The following SSH2 variants were observed in gnomAD, a reference collection of about 807,000 sequenced individuals.
SSH2 encodes the protein slingshot protein phosphatase 2.
SSH2 carries 37 observed loss-of-function variants against 135.2 expected under a neutral mutation model. The observed-to-expected ratio is 0.27, with a 90% CI of 0.21 to 0.36. SSH2 has a LOEUF of 0.36. SSH2 is among the 10% of genes least tolerant of loss of function. SSH2 has a pLI of 1.00. For synonymous variants in SSH2, 628 were observed against 646.2 expected (o/e 0.97, Z 0.43); for missense variants, 1,408 against 1,765.3 (o/e 0.80, Z 3.63).
chr17:29,654,218 C>T (rs1012141486), intron 12 of SSH2, among the ~76,000 whole-genome samples: 16 of 152,202 alleles, frequency 1.1e-4, no homozygotes, highest in African/African-American at 3.9e-4. Flanking sequence ...TTATACAGCT[C>T]TGAGCTAGGT....
intron 6 of SSH2, 62 bp from the exon 7 acceptor site, chr17:29,677,803 TACTA>T (rs1598778941): frequency 2.3e-6 from 3 of 1,314,680 alleles, no homozygotes; most frequent in Non-Finnish European, 3.3e-6. Context: ...GTCTTCTGTT[TACTA>T]ACTCTTTCAA....
intron 4 of SSH2, among the ~76,000 whole-genome samples, chr17:29,698,579 G>A (rs910833449): frequency 2.0e-5 from 3 of 151,774 alleles, no homozygotes; most frequent in Non-Finnish European, 4.4e-5. Flanking sequence ...GTGACCTCCT[G>A]GGCTCAAGCA....
intron 6 of SSH2, among the ~76,000 whole-genome samples, chr17:29,681,681 A>T (rs182479576): frequency 2.4e-4 from 37 of 152,314 alleles, no homozygotes; most frequent in Admixed American, 1.0e-3. Context: ...ATATAACATA[A>T]TACTCAAAGA....
chr17:29,641,280 C>T (rs1240451043), intron 14 of SSH2, among the ~76,000 whole-genome samples: 2 of 152,188 alleles, frequency 1.3e-5, no homozygotes, highest in Non-Finnish European at 2.9e-5. Context: ...ACAGTTTATT[C>T]TAACACTTCA....
At chr17:29,670,054 C>A (rs934422676) in intron 9 of SSH2, among the ~76,000 whole-genome samples, 1 of 151,646 alleles carries the variant, frequency 6.6e-6, no homozygotes, top group Admixed American at 6.6e-5. Context: ...GCTAATTTTT[C>A]TATTTTTAGT....
intron 3 of SSH2, among the ~76,000 whole-genome samples, chr17:29,760,384 ATTGAT>A (rs1446352659): frequency 2.0e-5 from 3 of 152,208 alleles, no homozygotes; most frequent in African/African-American, 7.2e-5. Context: ...AAACCACTGC[ATTGAT>A]TTAAGGATGG....
rs761466626 is a variant in SSH2 at position 29,741,924 on chromosome 17, AT to A, written c.189-38863del. Reference sequence around the variant, plus strand: ...GCCACCATACCCAGCCAGCAATCTCATTTTTTTTTCTTTTTTTTTTTTTTTT... The same window carrying A: ...GCCACCATACCCAGCCAGCAATCTCATTTTTTTTCTTTTTTTTTTTTTTTT... On this transcript the variant is annotated intron_variant, in intron 3 of 15. Coordinates refer to ENST00000540801, the MANE Select transcript of SSH2 (RefSeq NM_001282129.2). Among the ~76,000 whole-genome samples the A allele has an allele frequency of 6.0e-3, 672 of 112,762 alleles. 1 individual carries two copies. Among genetic ancestry groups the A allele is most frequent in the Non-Finnish European group, 9.8e-3 (541 of 55,030 alleles). 74.0% of individuals were successfully genotyped at this position (112,762 alleles called of 152,430 possible).
At chr17:29,779,810 CAAAAAAAAAAAAAA>C (rs56789691) in intron 3 of SSH2, among the ~76,000 whole-genome samples, 2 of 19,608 alleles carry the variant, frequency 1.0e-4, no homozygotes, top group Non-Finnish European at 1.7e-4. Flanking sequence ...GACTCTGTCT[CAAAAAAAAAAAAAA>C]AAAAAAAAAA....
chr17:29,685,944 G>A (rs2038199600), intron 5 of SSH2, among the ~76,000 whole-genome samples: 1 of 150,874 alleles, frequency 6.6e-6, no homozygotes, highest in Non-Finnish European at 1.5e-5. Flanking sequence ...TGCCTCCCGA[G>A]TTCAAGCGAT....
chr17:29,885,848 G>GT (rs2066228254), intron 1 of SSH2, among the ~76,000 whole-genome samples: 1 of 152,152 alleles, frequency 6.6e-6, no homozygotes, highest in African/African-American at 2.4e-5. Context: ...CATGTAAGAT[G>GT]TCCTTTTGCT....
At chr17:29,689,494 C>T (rs1240240680) in intron 5 of SSH2, among the ~76,000 whole-genome samples, 1 of 152,136 alleles carries the variant, frequency 6.6e-6, no homozygotes, top group African/African-American at 2.4e-5. Flanking sequence ...TTGAAAAGGA[C>T]ACTACTGAAG....
Position 29,731,813 on chromosome 17 carries a change from C to T in SSH2, c.189-28751G>A, listed in dbSNP as rs140406975. On this transcript the variant is annotated intron_variant, in intron 3 of 15. Coordinates refer to ENST00000540801, the MANE Select transcript of SSH2 (RefSeq NM_001282129.2). ...TCTCTGCAAATGTGACTGTTCAGAC[C>T]CTATAGGGTACTAAACCCTATTTAG... Among the ~76,000 whole-genome samples, 1,160 of 152,168 alleles carry T rather than the reference C, an allele frequency of 7.6e-3. 18 individuals are homozygous for T. Among genetic ancestry groups the T allele is most frequent in the African/African-American group, 0.027 (1,107 of 41,488 alleles).
intron 3 of SSH2, among the ~76,000 whole-genome samples, chr17:29,728,896 C>A (rs983968348): frequency 3.3e-5 from 5 of 152,276 alleles, no homozygotes; most frequent in African/African-American, 7.2e-5. Context: ...AAAGTCAAAT[C>A]AAAATGGATT....
intron 6 of SSH2, among the ~76,000 whole-genome samples, chr17:29,680,412 G>A (rs1026389972): frequency 2.0e-5 from 3 of 151,562 alleles, no homozygotes; most frequent in Non-Finnish European, 4.4e-5. Flanking sequence ...CTGGGTGCAG[G>A]GGCAGACAGA....
At chr17:29,753,616 T>C (rs529549074) in intron 3 of SSH2, among the ~76,000 whole-genome samples, 6 of 150,432 alleles carry the variant, frequency 4.0e-5, no homozygotes, top group Non-Finnish European at 7.4e-5. Context: ...CCAAACATGG[T>C]GAAACCCCGT....
chr17:29,654,372 G>A (rs1466776859), intron 12 of SSH2, among the ~76,000 whole-genome samples: 5 of 151,206 alleles, frequency 3.3e-5, no homozygotes, highest in Non-Finnish European at 5.9e-5. Context: ...GGAATTCTTT[G>A]TATAATCATT....
At chr17:29,904,336 G>A (rs1963360493) in intron 1 of SSH2, among the ~76,000 whole-genome samples, 1 of 152,148 alleles carries the variant, frequency 6.6e-6, no homozygotes, top group African/African-American at 2.4e-5. Flanking sequence ...GGGATGCAAG[G>A]TTGGTTCAAC....
Position 29,796,038 on chromosome 17 carries a change from C to T in SSH2, c.145-2101G>A, listed in dbSNP as rs569411602. Among the ~76,000 whole-genome samples the T allele has an allele frequency of 3.3e-5, 5 of 152,088 alleles. No homozygotes were observed. The South Asian group carries it at 8.3e-4, about 25-fold the overall frequency. On this transcript the variant is annotated intron_variant, in intron 2 of 15. Coordinates refer to ENST00000540801, the MANE Select transcript of SSH2 (RefSeq NM_001282129.2). ...GATTATAGGCGTGAGCCACCGTGCCCGGCCACATTATTTTTTAATTGCATT... is the reference window on the plus strand; with the variant it reads ...GATTATAGGCGTGAGCCACCGTGCCTGGCCACATTATTTTTTAATTGCATT...
intron 3 of SSH2, among the ~76,000 whole-genome samples, chr17:29,751,543 T>C (rs1300699519): frequency 1.3e-5 from 2 of 152,006 alleles, no homozygotes; most frequent in African/African-American, 4.8e-5. Flanking sequence ...TGTACATAAC[T>C]GTATGCACTA....
Sources: allele counts gnomAD v4.1 joint callset (sites outside exome capture counted in the v4.1 genomes callset), GRCh38; gene constraint gnomAD v4.1.1; transcripts MANE v1.5; gene names NCBI Gene and HGNC (gene_info 2026-07-23, HGNC 2026-07-21).